PTPRO: variants seen among roughly 807,000 people sequenced by gnomAD.
The protein encoded by PTPRO is receptor-type tyrosine-protein phosphatase O.
In PTPRO, 62 loss-of-function variants were observed where a neutral mutation model predicts 145.2. The observed-to-expected ratio is 0.43, with a 90% CI of 0.35 to 0.53. The LOEUF is 0.53. Among genes scored for constraint, PTPRO ranks in the 20% least tolerant of loss-of-function variants. The pLI, the probability that PTPRO is intolerant of heterozygous loss-of-function variation, is 0.01. For synonymous variants in PTPRO, 565 were observed against 514.7 expected, an observed-to-expected ratio of 1.10 and a Z score of -1.32; for missense variants, 1,345 against 1,482.7, an observed-to-expected ratio of 0.91 and a Z score of 1.53.
chr12:15,463,140 A>G (rs1342104145), intron 1 of PTPRO, among the ~76,000 whole-genome samples: 1 of 152,222 alleles, frequency 6.6e-6, no homozygotes, highest in Non-Finnish European at 1.5e-5. Flanking sequence ...TTGTCATTGT[A>G]AAGAAAATAA....
intron 1 of PTPRO, among the ~76,000 whole-genome samples, chr12:15,336,468 G>T: frequency 6.6e-6 from 1 of 152,166 alleles, no homozygotes. Context: ...TGAGCAAAGA[G>T]ATTGTTGTCT....
chr12:15,585,732 C>T (rs1360824105), intron 23 of PTPRO, among the ~76,000 whole-genome samples: 1 of 152,110 alleles, frequency 6.6e-6, no homozygotes, highest in South Asian at 2.1e-4. Context: ...ATTCTAGGCT[C>T]TTCACAAGTT....
At chr12:15,496,290 G>A (rs1303149897) in intron 2 of PTPRO, among the ~76,000 whole-genome samples, 2 of 151,550 alleles carry the variant, frequency 1.3e-5, no homozygotes, top group Non-Finnish European at 2.9e-5. Context: ...TTACAGGCGT[G>A]TGTCACCACA....
At chr12:15,452,720 T>C (rs1456032180) in intron 1 of PTPRO, among the ~76,000 whole-genome samples, 3 of 152,146 alleles carry the variant, frequency 2.0e-5, no homozygotes, top group African/African-American at 7.2e-5. Context: ...TGTTTTACAC[T>C]ACATAAACTG....
At chr12:15,562,352 T>G (rs754078112) in intron 17 of PTPRO, among the ~76,000 whole-genome samples, 6 of 152,168 alleles carry the variant, frequency 3.9e-5, no homozygotes, top group Admixed American at 6.6e-5. Flanking sequence ...CCTAATGATG[T>G]GTTTGTCTTC....
intron 1 of PTPRO, among the ~76,000 whole-genome samples, chr12:15,340,374 CTG>C (rs1866934846): frequency 6.6e-6 from 1 of 152,136 alleles, no homozygotes; most frequent in Non-Finnish European, 1.5e-5. Context: ...ACACAGGTGA[CTG>C]AATCAGTCCT....
chr12:15,554,434 T>C (rs1463547674), intron 15 of PTPRO, among the ~76,000 whole-genome samples: 1 of 151,564 alleles, frequency 6.6e-6, no homozygotes, highest in African/African-American at 2.4e-5. Flanking sequence ...ATATATCTCC[T>C]ATTATATATT....
chr12:15,414,173 C>A (rs1320070653), intron 1 of PTPRO, among the ~76,000 whole-genome samples: 1 of 152,156 alleles, frequency 6.6e-6, no homozygotes, highest in Non-Finnish European at 1.5e-5. Context: ...TCACGACATA[C>A]GTTTAGAAAG....
At chr12:15,396,843 T>A (rs1206578782) in intron 1 of PTPRO, among the ~76,000 whole-genome samples, 1 of 152,142 alleles carries the variant, frequency 6.6e-6, no homozygotes, top group Non-Finnish European at 1.5e-5. Context: ...TCTTTTGCCT[T>A]CCCATGGGAA....
Position 15,581,718 on chromosome 12 carries a change from A to G in PTPRO, c.3172A>G (p.Ile1058Val), listed in dbSNP as rs928418476. The change falls in exon 23 of 27, where the codon ATA becomes GTA. Residue 1058 changes from isoleucine to valine, a missense_variant. Ile to Val is a conservative substitution (Grantham distance 29). This residue lies in a region of PTPRO where 208 missense variants were observed against 242.8 expected (regional missense o/e 0.86). Transcript: ENST00000281171. ...DHYWPFTEEPIAYGDITVEMI... is the reference protein window; with the variant it reads ...DHYWPFTEEPVAYGDITVEMI... ...TTACTGGCCATTCACGGAAGAACCT[A>G]TAGCCTATGGAGACATCACTGTGGA... 1.9e-6 allele frequency: 3 copies of G among 1,613,912 alleles called. No individual in the cohort carries two copies. The highest frequency in any genetic ancestry group is 2.7e-5 in the African/African-American group (2 of 74,924).
At position 15,327,339 on chromosome 12, in the gene PTPRO, G is replaced by A. The variant is rs559450132; in HGVS notation, c.75+4538G>A. The stretch of plus-strand genomic sequence containing the variant: ...AAAAGTAGCAAATGACATACTAGGG[G>A]AAATTGATTTTTTTAACCTGTATGG... On this transcript the variant is annotated intron_variant, in intron 1 of 26. Transcript: ENST00000281171. Among the ~76,000 whole-genome samples the A allele has an allele frequency of 7.2e-5, 11 of 152,252 alleles. No homozygotes were observed. The South Asian group carries it at 2.3e-3, about 32-fold the overall frequency.
chr12:15,370,631 G>T (rs1591750679), intron 1 of PTPRO, among the ~76,000 whole-genome samples: 1 of 152,130 alleles, frequency 6.6e-6, no homozygotes, highest in Middle Eastern at 3.4e-3. Flanking sequence ...TTTTTGTATT[G>T]TTGATATTCT....
chr12:15,592,863 T>C (rs1386048291), intron 25 of PTPRO, among the ~76,000 whole-genome samples: 1 of 152,262 alleles, frequency 6.6e-6, no homozygotes. Flanking sequence ...GGTTTTCCTC[T>C]AATATCCTTC....
chr12:15,565,920 T>C (rs1943886970), intron 18 of PTPRO, among the ~76,000 whole-genome samples: 1 of 152,214 alleles, frequency 6.6e-6, no homozygotes, highest in Admixed American at 6.5e-5. Flanking sequence ...TATGGTATTC[T>C]AAATACAGTA....
intron 14 of PTPRO, among the ~76,000 whole-genome samples, chr12:15,550,314 A>G (rs186100766): frequency 6.9e-4 from 105 of 152,344 alleles, no homozygotes; most frequent in African/African-American, 2.5e-3. Flanking sequence ...GTGGAAGCAG[A>G]TCTTCATAAA....
At chr12:15,440,583 A>AG (rs906491349) in intron 1 of PTPRO, among the ~76,000 whole-genome samples, 11 of 152,186 alleles carry the variant, frequency 7.2e-5, no homozygotes, top group Admixed American at 2.0e-4. Flanking sequence ...GTCACAGCCC[A>AG]GGTGCTGTGG....
chr12:15,443,083 C>T (rs1940813084), intron 1 of PTPRO, among the ~76,000 whole-genome samples: 1 of 152,086 alleles, frequency 6.6e-6, no homozygotes, highest in African/African-American at 2.4e-5. Flanking sequence ...ACACTATATG[C>T]TACAGTACCA....
chr12:15,448,278 A>G (rs1940952728), intron 1 of PTPRO, among the ~76,000 whole-genome samples: 1 of 142,382 alleles, frequency 7.0e-6, no homozygotes, highest in Non-Finnish European at 1.5e-5. Context: ...AATCTTATTC[A>G]AAAGAATCCA....
At chr12:15,485,887 T>G (rs1452395975) in intron 2 of PTPRO, among the ~76,000 whole-genome samples, 1 of 152,194 alleles carries the variant, frequency 6.6e-6, no homozygotes, top group Non-Finnish European at 1.5e-5. Flanking sequence ...GCAGACATCT[T>G]TTTTCACTGA....
Sources: gnomAD v4.1 joint callset for allele counts (sites outside exome capture counted in the v4.1 genomes callset) on GRCh38, gnomAD v4.1.1 for gene constraint, gnomAD v4.1.1 regional missense constraint, MANE v1.5 for transcripts, NCBI Gene and HGNC (gene_info 2026-07-23, HGNC 2026-07-21) for gene names.